Variants in RGS7 observed in about 807,000 individuals in gnomAD.
RGS7 encodes regulator of G protein signaling 7.
A neutral mutation model predicts 81.1 loss-of-function variants in RGS7; 27 were observed. The ratio of observed to expected loss-of-function variants is 0.33; its 90% CI spans 0.25 to 0.46. The LOEUF (loss-of-function observed/expected upper bound fraction) is 0.46, where lower values mean the gene tolerates loss of function less well. Among genes scored for constraint, RGS7 ranks in the 20% least tolerant of loss-of-function variants. RGS7 has a pLI of 1.00. For synonymous variants in RGS7, 208 were observed against 207.7 expected (o/e 1.00, Z -0.01); for missense variants, 396 against 607.4 (o/e 0.65, Z 3.66).
chr1:241,229,451 G>A (rs1007667676), intron 2 of RGS7, among the ~76,000 whole-genome samples: 3 of 152,100 alleles, frequency 2.0e-5, no homozygotes, highest in Non-Finnish European at 2.9e-5. Flanking sequence ...ACATCTCCTC[G>A]CCCTCATTTA....
At chr1:240,850,386 T>C (rs1558350893) in intron 9 of RGS7, among the ~76,000 whole-genome samples, 1 of 152,220 alleles carries the variant, frequency 6.6e-6, no homozygotes, top group Non-Finnish European at 1.5e-5. Context: ...TGCTTGATGT[T>C]ATTGTCGTGA....
chr1:241,200,891 TC>T (rs1298187640), intron 2 of RGS7, among the ~76,000 whole-genome samples: 1 of 152,180 alleles, frequency 6.6e-6, no homozygotes, highest in African/African-American at 2.4e-5. Context: ...CACCTCCATG[TC>T]CAGACTTCCA....
intron 2 of RGS7, among the ~76,000 whole-genome samples, chr1:241,247,220 G>A (rs1398631818): frequency 1.3e-5 from 2 of 152,064 alleles, no homozygotes; most frequent in African/African-American, 4.8e-5. Flanking sequence ...AAGAATAAGG[G>A]TATCCTTGAA....
rs12048858 is a variant in RGS7 at position 241,223,169 on chromosome 1, C to T, written c.79-124407G>A. Among the ~76,000 whole-genome samples, 167 of 152,276 alleles carry T rather than the reference C, an allele frequency of 1.1e-3. 1 individual carries two copies. The East Asian group carries it at 0.023, about 21-fold the overall frequency. ...GAGAACCACTGCTTTAGAATGTCAA[C>T]GATAAAGGGAAATTAACAACCATCT... On this transcript the variant is annotated intron_variant, in intron 2 of 18. Transcript: ENST00000440928.
chr1:241,032,252 G>A (rs1407198588), intron 3 of RGS7, among the ~76,000 whole-genome samples: 3 of 152,114 alleles, frequency 2.0e-5, no homozygotes, highest in Non-Finnish European at 2.9e-5. Flanking sequence ...CAGTGCATAA[G>A]TTTGTCAACT....
chr1:240,828,168 G>A (rs1693206494), intron 9 of RGS7, among the ~76,000 whole-genome samples: 1 of 152,154 alleles, frequency 6.6e-6, no homozygotes, highest in Admixed American at 6.6e-5. Flanking sequence ...AAACAGAGGG[G>A]TTGATGAAGT....
chr1:240,802,869 A>G, intron 16 of RGS7, 35 bp downstream of exon 16: 1 of 1,309,502 alleles, frequency 7.6e-7, no homozygotes, highest in African/African-American at 1.5e-5. Flanking sequence ...ACTGAGAACT[A>G]GGCCAAGAAA....
intron 2 of RGS7, among the ~76,000 whole-genome samples, chr1:241,236,280 G>C (rs149899794): frequency 7.4e-4 from 112 of 151,994 alleles, no homozygotes; most frequent in African/African-American, 2.5e-3. Context: ...ATTTTTATCT[G>C]GAAACTAATA....
rs182932623 is a variant in RGS7 at position 241,261,696 on chromosome 1, A to G, written c.78+94003T>C. Reference sequence around the variant, plus strand: ...TCACCCCAATCATTCCAGCCCTACTATCATATTCTACCCCTTCATACCAAG... The same window carrying G: ...TCACCCCAATCATTCCAGCCCTACTGTCATATTCTACCCCTTCATACCAAG... On this transcript the variant is annotated intron_variant, in intron 2 of 18. Transcript: ENST00000440928. Among the ~76,000 whole-genome samples, 467 of 152,000 alleles carry G rather than the reference A, an allele frequency of 3.1e-3. 10 individuals are homozygous for G. The highest frequency in any genetic ancestry group is 0.026 in the Admixed American group (391 of 15,256).
At chr1:241,043,504 T>A (rs1445435514) in intron 3 of RGS7, among the ~76,000 whole-genome samples, 1 of 148,842 alleles carries the variant, frequency 6.7e-6, no homozygotes, top group Non-Finnish European at 1.5e-5. Flanking sequence ...ATATGGAGGG[T>A]CAACTATGAT....
intron 2 of RGS7, among the ~76,000 whole-genome samples, chr1:241,349,315 C>T (rs968048058): frequency 2.6e-5 from 4 of 152,192 alleles, no homozygotes; most frequent in Non-Finnish European, 4.4e-5. Context: ...AAAACTTTTA[C>T]TTGTCAATCA....
intron 4 of RGS7, among the ~76,000 whole-genome samples, chr1:240,948,085 C>T (rs1678948341): frequency 6.6e-6 from 1 of 152,194 alleles, no homozygotes; most frequent in African/African-American, 2.4e-5. Context: ...CCTGACTACA[C>T]TGGTGTAGAA....
At chr1:241,156,686 A>G (rs147744765) in intron 2 of RGS7, among the ~76,000 whole-genome samples, 4 of 152,192 alleles carry the variant, frequency 2.6e-5, no homozygotes, top group African/African-American at 7.2e-5. Context: ...TCAGCTGTCA[A>G]CTACATCAGG....
rs550822787 is a variant in RGS7, at chr1:241,255,706, T to C, written c.78+99993A>G. 1.7e-3 allele frequency among the ~76,000 whole-genome samples: 262 copies of C among 152,264 alleles called. 2 individuals carry two copies. Among genetic ancestry groups the C allele is most frequent in the African/African-American group, 5.9e-3 (246 of 41,568 alleles). ...AGAGAATTCTGCATTCATATGCAAC[T>C]GGAATTCTGAATTCTGCATTCGTAT... On this transcript the variant is annotated intron_variant, in intron 2 of 18. Transcript: ENST00000440928.
intron 2 of RGS7, among the ~76,000 whole-genome samples, chr1:241,306,099 G>A (rs1250463857): frequency 2.7e-5 from 4 of 150,732 alleles, no homozygotes; most frequent in Non-Finnish European, 5.9e-5. Context: ...GAAACCATGA[G>A]TAGCTATATT....
chr1:241,205,284 G>A (rs1222925326), intron 2 of RGS7, among the ~76,000 whole-genome samples: 1 of 147,120 alleles, frequency 6.8e-6, no homozygotes, highest in Non-Finnish European at 1.5e-5. Context: ...GTTTCACCAT[G>A]TTGGCCAGGA....
chr1:240,970,635 T>C (rs1442268231), intron 4 of RGS7, among the ~76,000 whole-genome samples: 3 of 152,162 alleles, frequency 2.0e-5, no homozygotes, highest in African/African-American at 7.2e-5. Context: ...TTCTGTACAC[T>C]AGAGCATTCC....
intron 2 of RGS7, among the ~76,000 whole-genome samples, chr1:241,114,983 T>C (rs2065791568): frequency 6.6e-6 from 1 of 152,218 alleles, no homozygotes; most frequent in Non-Finnish European, 1.5e-5. Context: ...ACTATCACAT[T>C]GTCTAAGATG....
chr1:241,304,897 GT>G (rs1462769626), intron 2 of RGS7, among the ~76,000 whole-genome samples: 2 of 152,132 alleles, frequency 1.3e-5, no homozygotes, highest in African/African-American at 4.8e-5. Context: ...TATTTAGGTT[GT>G]TCATGATTAA....
Sources: gnomAD v4.1 joint callset for allele counts (sites outside exome capture counted in the v4.1 genomes callset) on GRCh38, gnomAD v4.1.1 for gene constraint, MANE v1.5 for transcripts, NCBI Gene and HGNC (gene_info 2026-07-23, HGNC 2026-07-21) for gene names.